The following XRN2 variants were observed in gnomAD, a reference collection of about 807,000 sequenced individuals.
XRN2 encodes the protein 5'-3' exoribonuclease 2.
XRN2 carries 44 observed loss-of-function variants against 138.5 expected under a neutral mutation model. That is an observed-to-expected ratio of 0.32 (90% CI 0.25 to 0.41). The LOEUF is 0.41. Ranked by LOEUF, XRN2 falls within the 10% of genes least tolerant of loss-of-function variation. The pLI is 1.00. For synonymous variants in XRN2, 354 were observed against 369.4 expected, an observed-to-expected ratio of 0.96 and a Z score of 0.48; for missense variants, 937 against 1,169.3, an observed-to-expected ratio of 0.80 and a Z score of 2.90.
chr20:21,355,763 G>A (rs868415419), intron 21 of XRN2, among the ~76,000 whole-genome samples: 9 of 151,902 alleles, frequency 5.9e-5, no homozygotes, highest in South Asian at 2.1e-4. Context: ...GTGATATTTT[G>A]ATACCTATAT....
chr20:21,354,075 T>TA (rs1406966511), intron 20 of XRN2, among the ~76,000 whole-genome samples: 3 of 152,198 alleles, frequency 2.0e-5, no homozygotes, highest in Non-Finnish European at 4.4e-5. Flanking sequence ...TAACTTTGTA[T>TA]ATTTTTCTTA....
rs2038966465 is a variant in XRN2 at position 21,389,384 on chromosome 20, A to G, written c.*46A>G. 2 of 1,551,082 alleles carry G rather than the reference A, an allele frequency of 1.3e-6. No homozygotes were observed. The highest frequency in any genetic ancestry group is 1.8e-6 in the Non-Finnish European group (2 of 1,141,022). ...AATCCTTTCATCATTCTACAGTTTT[A>G]TGCTATTTGTGGAAAGATTTCTTTC... On this transcript the variant is annotated 3_prime_UTR_variant, in exon 30 of 30. Transcript: ENST00000377191.
intron 1 of XRN2, among the ~76,000 whole-genome samples, chr20:21,314,668 A>C (rs973138825): frequency 6.7e-6 from 1 of 149,916 alleles, no homozygotes; most frequent in Non-Finnish European, 1.5e-5. Flanking sequence ...TTTTTTTTTT[A>C]AGAGATGGGG....
chr20:21,342,430 A>C (rs2038383913), intron 15 of XRN2, among the ~76,000 whole-genome samples: 1 of 152,212 alleles, frequency 6.6e-6, no homozygotes, highest in African/African-American at 2.4e-5. Context: ...TTTTGTTGGT[A>C]GAGACAGCAG....
chr20:21,334,380 T>C (rs189379394), intron 13 of XRN2, among the ~76,000 whole-genome samples, 195 bp downstream of exon 13: 35 of 152,348 alleles, frequency 2.3e-4, no homozygotes, highest in Admixed American at 9.1e-4. Context: ...CTATGTATTG[T>C]ACCCTGTTTG....
chr20:21,383,468 T>C (rs1217197644), intron 28 of XRN2, among the ~76,000 whole-genome samples: 3 of 152,342 alleles, frequency 2.0e-5, no homozygotes, highest in East Asian at 3.9e-4. Context: ...GATGCTGTTA[T>C]GTTTACATTT....
chr20:21,320,739 C>G (rs2038028775), intron 1 of XRN2, among the ~76,000 whole-genome samples: 1 of 152,114 alleles, frequency 6.6e-6, no homozygotes, highest in Admixed American at 6.5e-5. Flanking sequence ...GGGCTACAGG[C>G]ATGCACCACC....
intron 27 of XRN2, among the ~76,000 whole-genome samples, chr20:21,375,339 T>A (rs1237883016): frequency 1.3e-5 from 2 of 151,900 alleles, no homozygotes; most frequent in African/African-American, 4.8e-5. Context: ...ATTATTCTCT[T>A]CTACTTTTTT....
In XRN2 at chr20:21,330,724, T is replaced by C; in HGVS notation, c.576+19T>C. ...TTTGACAGTAAGTTTCACATTTTGA[T>C]ACTTCAGAAAGATTAGGGTGATCAT... On this transcript the variant is annotated intron_variant, in intron 6 of 29. Transcript: ENST00000377191. 3 of 1,599,116 alleles carry C rather than the reference T, an allele frequency of 1.9e-6. No individual in the cohort carries two copies. The highest frequency in any genetic ancestry group is 2.6e-6 in the Non-Finnish European group (3 of 1,168,398).
intron 26 of XRN2, 108 bp from the exon 27 acceptor site, chr20:21,368,355 T>C: frequency 7.4e-7 from 1 of 1,351,200 alleles, no homozygotes; most frequent in Non-Finnish European, 1.0e-6. Flanking sequence ...CTTAATCAGA[T>C]CTGTTAGTGA....
At position 21,366,809 on chromosome 20, in the gene XRN2, T is replaced by G. The variant is rs537652814; in HGVS notation, c.2456+1105T>G. On this transcript the variant is annotated intron_variant, in intron 26 of 29. Transcript: ENST00000377191. ...CTGTTTTGTAAGTATTTTAATAACT[T>G]TGATACTGCTCTGCTTTTCTTCATT... Among the ~76,000 whole-genome samples the G allele has an allele frequency of 1.8e-4, 27 of 152,350 alleles. No homozygotes were observed. In the South Asian group the frequency reaches 5.6e-3, roughly 32 times the overall value.
intron 20 of XRN2, among the ~76,000 whole-genome samples, chr20:21,353,186 T>TTA (rs530247898): frequency 1.2e-4 from 17 of 144,708 alleles, no homozygotes; most frequent in South Asian, 2.1e-4. Flanking sequence ...TATATATATT[T>TTA]TATATATATA....
intron 13 of XRN2, among the ~76,000 whole-genome samples, chr20:21,335,238 G>A (rs893451803): frequency 3.9e-5 from 6 of 152,322 alleles, no homozygotes; most frequent in African/African-American, 1.2e-4. Context: ...ATTGGAGGGT[G>A]ATTGCAGGGT....
At chr20:21,326,453 CATTAT>C in intron 2 of XRN2, 32 bp from the exon 3 acceptor site, 1 of 1,613,700 alleles carries the variant, frequency 6.2e-7, no homozygotes, top group Non-Finnish European at 8.5e-7. Context: ...ACAGAGGAAA[CATTAT>C]ATTATATTAC....
chr20:21,325,332 A>G (rs1013696436), intron 1 of XRN2, among the ~76,000 whole-genome samples: 2 of 152,262 alleles, frequency 1.3e-5, no homozygotes, highest in African/African-American at 2.4e-5. Context: ...TTACAAAAAC[A>G]TAATTGAGTA....
rs371631665 is a variant in XRN2, at chr20:21,333,841, T to C, written c.1067+4T>C. 5.0e-6 allele frequency: 8 copies of C among 1,614,038 alleles called. No individual in the cohort carries two copies. The highest frequency in any genetic ancestry group is 1.3e-5 in the African/African-American group (1 of 74,920). ...ATTTGCCATCGTTAGAGATTAGGTA[T>C]GTGCATTTGTGTAGCTTTTCAAACG... is the stretch of plus-strand genomic sequence containing the variant. On this transcript the variant is annotated splice_donor_region_variant and intron_variant, in intron 11 of 29. Coordinates refer to ENST00000377191, the MANE Select transcript of XRN2 (RefSeq NM_012255.5).
At chr20:21,360,686 T>C (rs1251656465) in intron 24 of XRN2, among the ~76,000 whole-genome samples, 1 of 151,706 alleles carries the variant, frequency 6.6e-6, no homozygotes, top group Non-Finnish European at 1.5e-5. Flanking sequence ...TGAATGTGTA[T>C]GGAGATGGAT....
At chr20:21,347,225 A>C (rs2038447594) in intron 17 of XRN2, among the ~76,000 whole-genome samples, 1 of 152,238 alleles carries the variant, frequency 6.6e-6, no homozygotes, top group Non-Finnish European at 1.5e-5. Context: ...CAAACCCTGG[A>C]AAATACAAAT....
intron 24 of XRN2, among the ~76,000 whole-genome samples, chr20:21,360,930 A>T (rs955700309): frequency 2.0e-5 from 3 of 152,170 alleles, no homozygotes; most frequent in African/African-American, 7.2e-5. Flanking sequence ...GAATCATGAG[A>T]TTTTCCTGCA....
Sources: allele counts gnomAD v4.1 joint callset (sites outside exome capture counted in the v4.1 genomes callset), GRCh38; gene constraint gnomAD v4.1.1; transcripts MANE v1.5; gene names NCBI Gene and HGNC (gene_info 2026-07-23, HGNC 2026-07-21).